Variants in CFAP53 observed in about 807,000 individuals in gnomAD.
The protein encoded by CFAP53 is cilia and flagella associated protein 53.
In CFAP53, 62 loss-of-function variants were observed where a neutral mutation model predicts 59.7. The observed-to-expected ratio is 1.04, with a 90% CI of 0.85 to 1.28. CFAP53 has a LOEUF of 1.28. CFAP53 is among the 50% of genes most tolerant of loss of function. The pLI is 0.00. For missense variants in CFAP53, 629 were observed against 615.6 expected, an observed-to-expected ratio of 1.02 and a Z score of -0.23; for synonymous variants, 218 against 205.7, an observed-to-expected ratio of 1.06 and a Z score of -0.51.
At chr18:50,254,472 C>T (rs1309305795) in intron 3 of CFAP53, among the ~76,000 whole-genome samples, 1 of 152,122 alleles carries the variant, frequency 6.6e-6, no homozygotes, top group Non-Finnish European at 1.5e-5. Flanking sequence ...CAAAACAAAA[C>T]AATAACGCCA....
intron 5 of CFAP53, among the ~76,000 whole-genome samples, chr18:50,247,498 T>C (rs900937646): frequency 6.6e-6 from 1 of 152,150 alleles, no homozygotes; most frequent in African/African-American, 2.4e-5. Context: ...CACACAAAAA[T>C]GTGTACATGA....
chr18:50,252,625 T>C (rs1166219417), intron 3 of CFAP53, among the ~76,000 whole-genome samples: 1 of 151,932 alleles, frequency 6.6e-6, no homozygotes, highest in African/African-American at 2.4e-5. Flanking sequence ...CCAGGGCTGG[T>C]CTCAAAATCC....
In CFAP53 at chr18:50,243,097, T is replaced by C. The variant is rs1470295882; in HGVS notation, c.1016A>G (p.Gln339Arg). 2 of 1,611,990 alleles carry C rather than the reference T, an allele frequency of 1.2e-6. No individual in the cohort carries two copies. Among genetic ancestry groups the C allele is most frequent in the Middle Eastern group, 1.7e-4 (1 of 6,058 alleles). ...TGCCAAATATTTATGGTATATCTTC[T>C]GTTCTCTTATCATATCTTCCTATGT... ...KQKREDMIREQKIYHKYLAQR... is the reference protein window; with the variant it reads ...KQKREDMIRERKIYHKYLAQR... Residue 339 changes from glutamine (Q) to arginine (R), a missense_variant, in exon 6 of 8, where the codon CAG (glutamine) becomes CGG (arginine). Gln to Arg is a conservative substitution (Grantham distance 43). Transcript: ENST00000398545.
chr18:50,237,354 G>GCA (rs2033646708), intron 7 of CFAP53, among the ~76,000 whole-genome samples: 2 of 20,112 alleles, frequency 9.9e-5, no homozygotes, highest in African/African-American at 3.1e-4. Flanking sequence ...ATATATATAC[G>GCA]CACACATATA....
chr18:50,240,380 A>G (rs772254936), intron 6 of CFAP53, among the ~76,000 whole-genome samples: 2 of 152,166 alleles, frequency 1.3e-5, no homozygotes, highest in Non-Finnish European at 2.9e-5. Context: ...TCATTCCATA[A>G]CCATTTTTCC....
At chr18:50,234,255 T>C (rs1293318999) in intron 7 of CFAP53, among the ~76,000 whole-genome samples, 1 of 152,224 alleles carries the variant, frequency 6.6e-6, no homozygotes, top group Non-Finnish European at 1.5e-5. Context: ...TTTATGCCTA[T>C]AAACAGTTCA....
Position 50,261,970 on chromosome 18 carries a change from C to T in CFAP53, c.299+20G>A. On this transcript the variant is annotated intron_variant, in intron 2 of 7. Coordinates refer to ENST00000398545, the MANE Select transcript of CFAP53 (RefSeq NM_145020.5). Reference sequence around the variant, plus strand: ...TTTAGGAATATTTCATGGTTTATGTCCCAGGTTTGTGAGCCTTACTTATTT... The same window carrying T: ...TTTAGGAATATTTCATGGTTTATGTTCCAGGTTTGTGAGCCTTACTTATTT... 6.3e-7 allele frequency: 1 copy of T among 1,576,088 alleles called. No individual in the cohort carries two copies. The highest frequency in any genetic ancestry group is 8.7e-7 in the Non-Finnish European group (1 of 1,146,446).
chr18:50,232,854 G>A (rs1395371880), intron 7 of CFAP53, among the ~76,000 whole-genome samples: 2 of 152,214 alleles, frequency 1.3e-5, no homozygotes, highest in East Asian at 1.9e-4. Flanking sequence ...TGTAAAGCCT[G>A]ACCTTTTCCT....
Position 50,261,094 on chromosome 18 carries a change from A to G in CFAP53, c.443T>C (p.Phe148Ser). ...KEKNEKERQD[F>S]VAEKLDQQFR... ...TTGCTGGTCTAGCTTTTCAGCCACA[A>G]AATCCTGCCTCTCTTTTTCATTCTT... Residue 148 changes from phenylalanine to serine, a missense_variant, in exon 3 of 8, where the codon TTT (phenylalanine) becomes TCT (serine). Coordinates refer to ENST00000398545, the MANE Select transcript of CFAP53 (RefSeq NM_145020.5). 1 of 1,598,956 alleles carries G rather than the reference A, an allele frequency of 6.3e-7. No homozygotes were observed. Among genetic ancestry groups the G allele is most frequent in the Non-Finnish European group, 8.5e-7 (1 of 1,176,434 alleles).
chr18:50,246,863 T>C (rs563375738), intron 5 of CFAP53, among the ~76,000 whole-genome samples: 79 of 151,088 alleles, frequency 5.2e-4, no homozygotes, highest in African/African-American at 1.8e-3. Flanking sequence ...CTGGCCAACA[T>C]GGTGAAACCC....
At chr18:50,253,108 C>A (rs957942852) in intron 3 of CFAP53, among the ~76,000 whole-genome samples, 1 of 152,084 alleles carries the variant, frequency 6.6e-6, no homozygotes, top group Non-Finnish European at 1.5e-5. Context: ...GCTCTGCCTC[C>A]CGGGCTCACG....
At chr18:50,233,619 T>C (rs1425440638) in intron 7 of CFAP53, among the ~76,000 whole-genome samples, 1 of 152,272 alleles carries the variant, frequency 6.6e-6, no homozygotes, top group African/African-American at 2.4e-5. Flanking sequence ...CTGAGTTTAC[T>C]ACATATTGTC....
chr18:50,234,874 A>G (rs1330308717), intron 7 of CFAP53, among the ~76,000 whole-genome samples: 1 of 152,242 alleles, frequency 6.6e-6, no homozygotes, highest in Non-Finnish European at 1.5e-5. Context: ...TCTGTTGCCC[A>G]TGCAGTCTTT....
At chr18:50,258,277 T>C (rs528537173) in intron 3 of CFAP53, among the ~76,000 whole-genome samples, 5 of 150,652 alleles carry the variant, frequency 3.3e-5, no homozygotes, top group African/African-American at 4.9e-5. Context: ...TGAAAAAGAA[T>C]AGAGAACCCA....
intron 7 of CFAP53, among the ~76,000 whole-genome samples, chr18:50,234,274 G>C (rs1047350695): frequency 6.6e-6 from 1 of 152,150 alleles, no homozygotes; most frequent in Non-Finnish European, 1.5e-5. Context: ...CAGCTACTGG[G>C]ATAGAATATA....
intron 1 of CFAP53, among the ~76,000 whole-genome samples, chr18:50,264,098 T>C (rs899798325): frequency 4.6e-5 from 7 of 152,228 alleles, no homozygotes; most frequent in East Asian, 1.9e-4. Context: ...ATTTTGATAG[T>C]ATATTTTATT....
intron 1 of CFAP53, among the ~76,000 whole-genome samples, chr18:50,265,694 T>C (rs1219411959): frequency 2.0e-5 from 3 of 152,178 alleles, no homozygotes; most frequent in African/African-American, 7.2e-5. Context: ...TATGGACCAA[T>C]AGTGTCTGAG....
At chr18:50,227,672 C>T in intron 7 of CFAP53, 63 bp from the exon 8 acceptor site, 2 of 1,196,894 alleles carry the variant, frequency 1.7e-6, no homozygotes, top group South Asian at 2.7e-5. Context: ...TTATTCAGAG[C>T]ATTACAATTA....
chr18:50,234,821 C>T (rs965654359), intron 7 of CFAP53, among the ~76,000 whole-genome samples: 5 of 152,248 alleles, frequency 3.3e-5, no homozygotes, highest in Admixed American at 6.5e-5. Context: ...TTGGCATCCT[C>T]ACCACTGATG....
Sources: allele counts gnomAD v4.1 joint callset (sites outside exome capture counted in the v4.1 genomes callset), GRCh38; gene constraint gnomAD v4.1.1; transcripts MANE v1.5; gene names NCBI Gene and HGNC (gene_info 2026-07-23, HGNC 2026-07-21).